The following CYP4F8 variants were observed in gnomAD, a reference collection of about 807,000 sequenced individuals.
CYP4F8 encodes the protein cytochrome P450 4F8.
In CYP4F8, 56 loss-of-function variants were observed where a neutral mutation model predicts 55.0. The observed-to-expected ratio is 1.02, with a 90% CI of 0.82 to 1.27. CYP4F8 has a LOEUF of 1.27. CYP4F8 is among the 50% of genes most tolerant of loss of function. The pLI, the probability that CYP4F8 is intolerant of heterozygous loss-of-function variation, is 0.00. For missense variants in CYP4F8, 680 were observed against 682.4 expected (o/e 1.00, Z 0.04); for synonymous variants, 288 against 267.3 (o/e 1.08, Z -0.76).
intron 6 of CYP4F8, 179 bp from the exon 7 acceptor site, chr19:15,622,926 C>A: frequency 1.5e-6 from 1 of 665,030 alleles, no homozygotes; most frequent in Non-Finnish European, 2.5e-6. Context: ...GATGGCCAAG[C>A]TGTGCCCTGG....
At position 15,628,381 on chromosome 19, in the gene CYP4F8, G is replaced by T. The variant is rs766290409; in HGVS notation, c.1195G>T (p.Ala399Ser). Residue 399 changes from alanine to serine, a missense_variant, in exon 10 of 13, where the codon GCC becomes TCC. Coordinates refer to ENST00000612078, the MANE Select transcript of CYP4F8 (RefSeq NM_007253.4). The part of the protein sequence containing the change: ...LRLHPPIPTF[A>S]RGCTQDVVLP... ...GTTGCATCCCCCAATCCCTACATTCGCCCGCGGCTGCACCCAGGACGTGGT... is the reference window on the plus strand; with the variant it reads ...GTTGCATCCCCCAATCCCTACATTCTCCCGCGGCTGCACCCAGGACGTGGT... 37 of 1,613,836 alleles carry T rather than the reference G, an allele frequency of 2.3e-5. No individual in the cohort carries two copies. Among genetic ancestry groups the T allele is most frequent in the Non-Finnish European group, 3.1e-5 (36 of 1,180,002 alleles).
chr19:15,630,631 A>G lies in CYP4F8; in HGVS notation c.*1273A>G, dbSNP rs181414285. On this transcript the variant is annotated 3_prime_UTR_variant, in exon 13 of 13. Transcript: ENST00000612078. ...GATTAGAGCTGCGATAAACATGTGG[A>G]TGCTTGTGTCTTTTTGGCAGAATGA... The G allele has an allele frequency of 9.2e-5, 14 of 152,270 alleles. No homozygotes were observed. Among genetic ancestry groups the G allele is most frequent in the South Asian group, 6.2e-4 (3 of 4,826 alleles). 9.4% of individuals were successfully genotyped at this position (152,270 alleles called of 1,614,324 possible). A position where few individuals can be genotyped will look rare whatever the true frequency, so the allele number is the denominator to read the frequency against.
intron 6 of CYP4F8, 103 bp from the exon 7 acceptor site, chr19:15,623,002 C>A: frequency 1.5e-6 from 2 of 1,356,734 alleles, no homozygotes; most frequent in East Asian, 2.5e-5. Context: ...TTGCAGGACA[C>A]CCCTTTCTGC....
At chr19:15,617,686 G>A (rs112966594) in intron 2 of CYP4F8, among the ~76,000 whole-genome samples, 32 of 152,254 alleles carry the variant, frequency 2.1e-4, no homozygotes, top group Admixed American at 1.3e-3. Flanking sequence ...GTGCAATTCC[G>A]TCTGGGTCCA....
At position 15,618,352 on chromosome 19, in the gene CYP4F8, G is replaced by A. The variant is rs1410384557; in HGVS notation, c.343+208G>A. The A allele has an allele frequency of 5.7e-6, 5 of 874,812 alleles. No individual in the cohort carries two copies. The South Asian group carries it at 7.1e-5, about 12-fold the overall frequency. 54.2% of individuals were successfully genotyped at this position (874,812 alleles called of 1,614,324 possible). The stretch of plus-strand genomic sequence containing the variant: ...CTGCCATCTTCCCCACCTCCGTGTT[G>A]TTCTGGGAACCACTGGGGCCCCGAG... On this transcript the variant is annotated intron_variant, in intron 3 of 12. Transcript: ENST00000612078.
In CYP4F8 at chr19:15,623,340, A is replaced by T. The variant is rs764299954; in HGVS notation, c.883A>T (p.Thr295Ser). 5.6e-6 allele frequency: 9 copies of T among 1,613,810 alleles called. No individual in the cohort carries two copies. The highest frequency in any genetic ancestry group is 6.8e-6 in the Non-Finnish European group (8 of 1,179,988). ...CCTCCAAGCCAAGGCCAAGTCCAAGACTTTGGACTTTATTGATGTGCTCCT... is the reference window on the plus strand; with the variant it reads ...CCTCCAAGCCAAGGCCAAGTCCAAGTCTTTGGACTTTATTGATGTGCTCCT... Reference protein sequence around the residue: ...DFLQAKAKSKTLDFIDVLLLS... With the variant: ...DFLQAKAKSKSLDFIDVLLLS... Residue 295 changes from threonine to serine, a missense_variant, in exon 7 of 13, where the codon ACT (threonine) becomes TCT (serine). Coordinates refer to ENST00000612078, the MANE Select transcript of CYP4F8 (RefSeq NM_007253.4).
Position 15,615,259 on chromosome 19 carries a change from G to A in CYP4F8, c.-23G>A. Reference sequence around the variant, plus strand: ...CAAAGGAGGAGAGGAGGTTGTGCGGGACAACCTTCTCCTGACAGAAGGTGC... The same window carrying A: ...CAAAGGAGGAGAGGAGGTTGTGCGGAACAACCTTCTCCTGACAGAAGGTGC... On this transcript the variant is annotated 5_prime_UTR_variant, in exon 1 of 13. Coordinates refer to ENST00000612078, the MANE Select transcript of CYP4F8 (RefSeq NM_007253.4). 1 of 177,836 alleles carries A rather than the reference G, an allele frequency of 5.6e-6. No individual in the cohort carries two copies. The highest frequency in any genetic ancestry group is 1.2e-5 in the Non-Finnish European group (1 of 84,888). The allele number at this position is 177,836 out of a possible 1,614,324, so 11.0% of individuals were successfully genotyped here. A position where few individuals can be genotyped will look rare whatever the true frequency, so the allele number is the denominator to read the frequency against.
In CYP4F8 at chr19:15,628,785, C is replaced by T. The variant is rs1028775761; in HGVS notation, c.1339C>T (p.Pro447Ser). 3 of 1,612,106 alleles carry T rather than the reference C, an allele frequency of 1.9e-6. No homozygotes were observed. The highest frequency in any genetic ancestry group is 1.7e-5 in the Admixed American group (1 of 59,444). The change falls in exon 12 of 13, where the codon CCA becomes TCA. Residue 447 changes from proline to serine, a missense_variant. Physicochemically the swap from Pro to Ser is moderately conservative, Grantham distance 74 (BLOSUM62 -1). Transcript: ENST00000612078. Reference protein sequence around the residue: ...PEVYDPFRFDPENAQKRSPMA... With the variant: ...PEVYDPFRFDSENAQKRSPMA... ...GGTCTATGACCCCTTCCGCTTCGAC[C>T]CAGAAAACGCCCAGAAGAGGTCACC...
In CYP4F8 at chr19:15,615,676, G is replaced by T. The variant is rs4646523; in HGVS notation, c.60G>T (p.Leu20=). The change falls in exon 2 of 13, where the codon CTG becomes CTT. Residue 20 remains leucine, a synonymous_variant. Coordinates refer to ENST00000612078, the MANE Select transcript of CYP4F8 (RefSeq NM_007253.4). ...GLRPVAASPW[L]LLLVVGASWL... is the part of the protein sequence containing the mutation. ...GGCCGGTGGCAGCATCCCCGTGGCT[G>T]CTCCTGCTGGTGGTCGGGGCCTCCT... 998,551 of 1,613,502 alleles carry T rather than the reference G, an allele frequency of 0.62. 312,827 individuals are homozygous for T. The highest frequency in any genetic ancestry group is 0.65 in the Non-Finnish European group (764,369 of 1,179,790).
Position 15,615,655 on chromosome 19 carries a change from G to C in CYP4F8, c.39G>C (p.Pro13=). Residue 13 remains proline (P), a synonymous_variant, in exon 2 of 13, where the codon CCG becomes CCC. Coordinates refer to ENST00000612078, the MANE Select transcript of CYP4F8 (RefSeq NM_007253.4). ...LLSLSWLGLR[P]VAASPWLLLL... ...GCCTGTCTTGGCTGGGCCTCAGGCC[G>C]GTGGCAGCATCCCCGTGGCTGCTCC... 3 of 1,613,864 alleles carry C rather than the reference G, an allele frequency of 1.9e-6. No individual in the cohort carries two copies. The highest frequency in any genetic ancestry group is 2.5e-6 in the Non-Finnish European group (3 of 1,179,902).
At position 15,622,382 on chromosome 19, in the gene CYP4F8, G is replaced by T. The variant is rs547414339; in HGVS notation, c.647+42G>T. On this transcript the variant is annotated intron_variant, in intron 6 of 12. Transcript: ENST00000612078. ...GGCCTGGGAACATGGGATGGAGTGGGGGTGTGGGTGTGGGGAGAGCAAAGC... is the reference window on the plus strand; with the variant it reads ...GGCCTGGGAACATGGGATGGAGTGGTGGTGTGGGTGTGGGGAGAGCAAAGC... The T allele has an allele frequency of 3.1e-6, 5 of 1,593,664 alleles. 1 individual carries two copies. The Admixed American group carries it at 6.8e-5, about 22-fold the overall frequency.
chr19:15,616,712 C>CTCA (rs1972127397), intron 2 of CYP4F8, among the ~76,000 whole-genome samples: 1 of 152,216 alleles, frequency 6.6e-6, no homozygotes, highest in Non-Finnish European at 1.5e-5. Flanking sequence ...CCCCACTAAG[C>CTCA]TGTCCCAATG....
At chr19:15,616,780 T>G (rs1972128147) in intron 2 of CYP4F8, among the ~76,000 whole-genome samples, 1 of 152,212 alleles carries the variant, frequency 6.6e-6, no homozygotes, top group African/African-American at 2.4e-5. Flanking sequence ...TAAAGTTACC[T>G]TTGACCCTTC....
chr19:15,619,013 C>T (rs1972159236), intron 3 of CYP4F8: 3 of 174,816 alleles, frequency 1.7e-5, no homozygotes, highest in African/African-American at 7.2e-5. Context: ...TCTATGGGTG[C>T]TGAGGTGTCT....
At chr19:15,625,271 T>C (rs1407073807) in intron 9 of CYP4F8, among the ~76,000 whole-genome samples, 4 of 150,900 alleles carry the variant, frequency 2.7e-5, no homozygotes, top group Admixed American at 6.6e-5. Flanking sequence ...GTTTAATGAA[T>C]ATTTTGTCCT....
chr19:15,622,933 C>A, intron 6 of CYP4F8, 172 bp from the exon 7 acceptor site: 2 of 712,186 alleles, frequency 2.8e-6, no homozygotes, highest in Non-Finnish European at 4.6e-6. Context: ...AAGCTGTGCC[C>A]TGGGGACCTG....
In CYP4F8 at chr19:15,623,291, C is replaced by T. The variant is rs1972219266; in HGVS notation, c.834C>T (p.Leu278=). Residue 278 remains leucine, a synonymous_variant, in exon 7 of 13, where the codon CTC becomes CTT. Transcript: ENST00000612078. Reference sequence around the variant, plus strand: ...TCATCCAGGAGCGGCGCCGCACCCTCACTAGCCAGGGTGTTGATGACTTCC... The same window carrying T: ...TCATCCAGGAGCGGCGCCGCACCCTTACTAGCCAGGGTGTTGATGACTTCC... ...DAVIQERRRT[L]TSQGVDDFLQ... is the part of the protein sequence containing the mutation. The T allele has an allele frequency of 2.5e-6, 4 of 1,614,076 alleles. No homozygotes were observed. The highest frequency in any genetic ancestry group is 3.4e-6 in the Non-Finnish European group (4 of 1,180,024).
chr19:15,623,139 C>T lies in CYP4F8; in HGVS notation c.682C>T (p.Leu228Phe). 1.2e-6 allele frequency: 2 copies of T among 1,614,104 alleles called. No homozygotes were observed. The highest frequency in any genetic ancestry group is 1.7e-6 in the Non-Finnish European group (2 of 1,180,032). ...PSEYITAIME[L>F]SALVVKRNNQ... ...TGAATATATTACTGCGATCATGGAG[C>T]TCAGTGCCCTTGTAGTGAAACGGAA... is the stretch of plus-strand genomic sequence containing the variant. Residue 228 changes from leucine to phenylalanine, a missense_variant, in exon 7 of 13, where the codon CTC (leucine) becomes TTC (phenylalanine). Physicochemically the swap from Leu to Phe is conservative, Grantham distance 22. Coordinates refer to ENST00000612078, the MANE Select transcript of CYP4F8 (RefSeq NM_007253.4).
intron 7 of CYP4F8, 117 bp downstream of exon 7, chr19:15,623,492 A>T: frequency 2.1e-6 from 3 of 1,461,948 alleles, no homozygotes; most frequent in Middle Eastern, 1.8e-4. Context: ...GTGCTCGAAG[A>T]AGGGAGGGAC....
Sources: allele counts gnomAD v4.1 joint callset (sites outside exome capture counted in the v4.1 genomes callset), GRCh38; gene constraint gnomAD v4.1.1; transcripts MANE v1.5; gene names NCBI Gene and HGNC (gene_info 2026-07-23, HGNC 2026-07-21).